Variants in TRIM16 observed in about 807,000 individuals in gnomAD.
TRIM16 encodes the protein tripartite motif containing 16.
A neutral mutation model predicts 50.4 loss-of-function variants in TRIM16; 33 were observed. The ratio of observed to expected loss-of-function variants is 0.65; its 90% CI spans 0.50 to 0.88. The LOEUF (loss-of-function observed/expected upper bound fraction) is 0.88. Among genes scored for constraint, TRIM16 ranks in the 40% least tolerant of loss-of-function variants. The probability of loss-of-function intolerance (pLI) is 0.00; values close to 1 mark genes in which losing one functional copy is unlikely to be tolerated. For missense variants in TRIM16, 581 were observed against 686.8 expected (o/e 0.85, Z 1.72); for synonymous variants, 229 against 270.7 (o/e 0.85, Z 1.51).
intron 6 of TRIM16, among the ~76,000 whole-genome samples, chr17:15,660,815 G>A (rs1332268227): frequency 2.0e-5 from 3 of 150,224 alleles, no homozygotes; most frequent in Non-Finnish European, 4.4e-5. Context: ...GGAGAATGGT[G>A]TGAACCTGGG....
intron 9 of TRIM16, among the ~76,000 whole-genome samples, chr17:15,633,131 T>G (rs1986518111): frequency 6.6e-6 from 1 of 152,208 alleles, no homozygotes. Context: ...GTAATTCTTG[T>G]ACCTTGCTTT....
At chr17:15,677,763 T>C (rs1394171849) in intron 4 of TRIM16, 42 bp from the exon 5 acceptor site, 1 of 985,798 alleles carries the variant, frequency 1.0e-6, no homozygotes, top group East Asian at 1.1e-4. Context: ...GGGAGACTGA[T>C]GGGATGGAGA....
At chr17:15,681,047 T>C (rs1328521077) in intron 3 of TRIM16, 94 bp from the exon 4 acceptor site, 7 of 1,193,860 alleles carry the variant, frequency 5.9e-6, no homozygotes, top group Non-Finnish European at 6.9e-6. Context: ...AATGTGCCTC[T>C]GACCTTGGCT....
chr17:15,680,020 A>AGTTTTTGT, intron 4 of TRIM16, among the ~76,000 whole-genome samples: 1 of 152,108 alleles, frequency 6.6e-6, no homozygotes, highest in East Asian at 1.9e-4. Context: ...GAAGCCTTTA[A>AGTTTTTGT]GTTTTTGTGG....
At chr17:15,650,966 C>T in intron 7 of TRIM16, 125 bp downstream of exon 7, 1 of 1,355,110 alleles carries the variant, frequency 7.4e-7, no homozygotes, top group Non-Finnish European at 1.0e-6. Flanking sequence ...GACGCTGAAG[C>T]TAGTCTTTTT....
chr17:15,662,596 T>A (rs1043432656), intron 6 of TRIM16, among the ~76,000 whole-genome samples: 3 of 152,214 alleles, frequency 2.0e-5, no homozygotes, highest in African/African-American at 7.2e-5. Context: ...AAGCTATTAT[T>A]TTCATTCATG....
At chr17:15,682,754 G>T in intron 3 of TRIM16, 100 bp downstream of exon 3, 5 of 1,149,372 alleles carry the variant, frequency 4.4e-6, no homozygotes, top group Non-Finnish European at 5.6e-6. Flanking sequence ...AAGGCAGGTG[G>T]TATAATGGAA....
chr17:15,636,275 A>T lies in TRIM16; in HGVS notation c.616-6T>A. The T allele has an allele frequency of 3.7e-6, 6 of 1,605,478 alleles. No individual in the cohort carries two copies. The highest frequency in any genetic ancestry group is 5.1e-6 in the Non-Finnish European group (6 of 1,175,586). On this transcript the variant is annotated splice_region_variant and splice_polypyrimidine_tract_variant and intron_variant, in intron 8 of 11. Transcript: ENST00000649191. ...TTGACCTCTGACACCGACACCTGGCAGGGGGTGGGGGTGGAAGGCAGCCAA... is the reference window on the plus strand; with the variant it reads ...TTGACCTCTGACACCGACACCTGGCTGGGGGTGGGGGTGGAAGGCAGCCAA...
In TRIM16 at chr17:15,651,929, C is replaced by A; in HGVS notation, c.-320G>T. On this transcript the variant is annotated 5_prime_UTR_variant, in exon 7 of 12. Transcript: ENST00000649191. ...ACCCCATAGGCTCTGCTGAAGACCA[C>A]GTGTCTCTGTGCCTGCTCTGGAAAG... The A allele has an allele frequency of 3.9e-6, 5 of 1,275,478 alleles. No homozygotes were observed. Among genetic ancestry groups the A allele is most frequent in the African/African-American group, 1.5e-5 (1 of 65,842 alleles). The allele number at this position is 1,275,478 out of a possible 1,614,324, so 79.0% of individuals were successfully genotyped here.
intron 6 of TRIM16, among the ~76,000 whole-genome samples, chr17:15,662,622 G>A (rs1988291685): frequency 6.6e-6 from 1 of 152,150 alleles, no homozygotes; most frequent in Non-Finnish European, 1.5e-5. Context: ...TCTCGAGCTT[G>A]AGAGCAGATC....
In TRIM16 at chr17:15,636,028, C is replaced by A. The variant is rs762526164; in HGVS notation, c.849+8G>T. ...TGTGGGATGCCTCTGCCCCCGCAAC[C>A]CCCATACCTCCAAGAACTGGACAGT... On this transcript the variant is annotated splice_region_variant and intron_variant, in intron 9 of 11. Transcript: ENST00000649191. 1 of 1,611,730 alleles carries A rather than the reference C, an allele frequency of 6.2e-7. No homozygotes were observed. Among genetic ancestry groups the A allele is most frequent in the Non-Finnish European group, 8.5e-7 (1 of 1,179,518 alleles).
intron 7 of TRIM16, among the ~76,000 whole-genome samples, chr17:15,645,389 C>G (rs987231430): frequency 3.9e-5 from 6 of 152,056 alleles, no homozygotes; most frequent in Admixed American, 3.9e-4. Flanking sequence ...CCTCCCAGCC[C>G]AGGCAAGTGC....
intron 8 of TRIM16, among the ~76,000 whole-genome samples, chr17:15,642,204 G>C (rs982240631): frequency 5.4e-5 from 8 of 148,862 alleles, no homozygotes; most frequent in Non-Finnish European, 1.0e-4. Flanking sequence ...GGCATTTGTA[G>C]AACTCCTCAG....
chr17:15,636,013 C>A, intron 9 of TRIM16, 23 bp downstream of exon 9: 1 of 1,608,776 alleles, frequency 6.2e-7, no homozygotes, highest in Non-Finnish European at 8.5e-7. Context: ...TGTGGGATGC[C>A]TCTGCCCCCG....
At chr17:15,678,069 A>C (rs1262255009) in intron 4 of TRIM16, among the ~76,000 whole-genome samples, 1 of 152,092 alleles carries the variant, frequency 6.6e-6, no homozygotes, top group Non-Finnish European at 1.5e-5. Flanking sequence ...TACAAAAAAA[A>C]TTAGCCAGGC....
chr17:15,653,582 G>T (rs1327550167), intron 6 of TRIM16, among the ~76,000 whole-genome samples: 1 of 152,144 alleles, frequency 6.6e-6, no homozygotes, highest in African/African-American at 2.4e-5. Flanking sequence ...CCCTTTGTAC[G>T]TATCTGTGTC....
intron 6 of TRIM16, among the ~76,000 whole-genome samples, chr17:15,659,902 C>T (rs78168630): frequency 0.039 from 5,873 of 152,320 alleles, 295 homozygotes; most frequent in African/African-American, 0.12. Flanking sequence ...AGACTTATCT[C>T]AGGCCAGGTG....
chr17:15,680,515 T>C (rs546071108), intron 4 of TRIM16, among the ~76,000 whole-genome samples: 1 of 152,128 alleles, frequency 6.6e-6, no homozygotes, highest in Admixed American at 6.5e-5. Context: ...TACCCAACCA[T>C]GTTCTAGGAG....
intron 3 of TRIM16, 126 bp from the exon 4 acceptor site, chr17:15,681,079 A>G: frequency 1.2e-6 from 1 of 825,056 alleles, no homozygotes; most frequent in Middle Eastern, 2.5e-4. Context: ...GAAGGATTTT[A>G]CAGACATCTA....
Sources: gnomAD v4.1 joint callset for allele counts (sites outside exome capture counted in the v4.1 genomes callset) on GRCh38, gnomAD v4.1.1 for gene constraint, MANE v1.5 for transcripts, NCBI Gene and HGNC (gene_info 2026-07-23, HGNC 2026-07-21) for gene names.